The following EHF variants were observed in gnomAD, a reference collection of about 807,000 sequenced individuals.
The protein encoded by EHF is ESE3 transcription factor.
EHF carries 14 observed loss-of-function variants against 45.1 expected under a neutral mutation model. The ratio of observed to expected loss-of-function variants is 0.31; its 90% CI spans 0.21 to 0.49. EHF has a LOEUF of 0.49. Among genes scored for constraint, EHF ranks in the 20% least tolerant of loss-of-function variants. The pLI is 0.99. For synonymous variants in EHF, 136 were observed against 131.8 expected, an observed-to-expected ratio of 1.03 and a Z score of -0.22; for missense variants, 282 against 371.4, an observed-to-expected ratio of 0.76 and a Z score of 1.98.
At chr11:34,649,920 A>T (rs1382494673) in intron 4 of EHF, among the ~76,000 whole-genome samples, 1 of 152,274 alleles carries the variant, frequency 6.6e-6, no homozygotes, top group Admixed American at 6.5e-5. Flanking sequence ...AAATTGGCCC[A>T]TGCAGTTATT....
chr11:34,640,813 C>A (rs1471558718), intron 1 of EHF, among the ~76,000 whole-genome samples: 1 of 152,160 alleles, frequency 6.6e-6, no homozygotes, highest in African/African-American at 2.4e-5. Context: ...GGCCCAGCAT[C>A]ATTTCTGGTT....
At chr11:34,656,822 AAT>A (rs759050479) in intron 6 of EHF, 84 bp from the exon 7 acceptor site, 486 of 1,481,242 alleles carry the variant, frequency 3.3e-4, no homozygotes, top group Non-Finnish European at 4.2e-4. Flanking sequence ...GTGCTCAGTA[AAT>A]ATTGTTTAAA....
At position 34,658,859 on chromosome 11, in the gene EHF, G is replaced by C. The variant is rs139008764; in HGVS notation, c.831G>C (p.Glu277Asp). 6.2e-7 allele frequency: 1 copy of C among 1,612,954 alleles called. No individual in the cohort carries two copies. Among genetic ancestry groups the C allele is most frequent in the South Asian group, 1.1e-5 (1 of 90,762 alleles). The change falls in exon 9 of 9, where the codon GAG becomes GAC. Residue 277 changes from glutamate to aspartate, a missense_variant. Around this residue, in one of 3 missense-constraint regions of EHF, gnomAD observed 28 missense variants for 37.1 expected, o/e 0.76. Coordinates refer to ENST00000257831, the MANE Select transcript of EHF (RefSeq NM_012153.6). ...ATTACTACAAAAGAGAAATTCTGGA[G>C]CGTGTGGATGGACGAAGACTGGTAT... ...MRYYYKREIL[E>D]RVDGRRLVYK...
At chr11:34,629,106 G>A (rs564993451) in intron 1 of EHF, among the ~76,000 whole-genome samples, 1 of 152,252 alleles carries the variant, frequency 6.6e-6, no homozygotes, top group African/African-American at 2.4e-5. Flanking sequence ...GCTCAGCTAC[G>A]CAACCTCTGG....
intron 1 of EHF, among the ~76,000 whole-genome samples, chr11:34,641,757 T>C (rs994855585): frequency 2.0e-5 from 3 of 152,198 alleles, no homozygotes; most frequent in Admixed American, 6.5e-5. Context: ...AGGGACATTA[T>C]AAATACTGGA....
chr11:34,635,787 T>C (rs1361710052), intron 1 of EHF, among the ~76,000 whole-genome samples: 1 of 149,524 alleles, frequency 6.7e-6, no homozygotes, highest in Non-Finnish European at 1.5e-5. Context: ...TAGGAGCATA[T>C]GCCTTACCAC....
At chr11:34,624,865 C>T (rs975407212) in intron 1 of EHF, among the ~76,000 whole-genome samples, 7 of 152,104 alleles carry the variant, frequency 4.6e-5, no homozygotes, top group South Asian at 2.1e-4. Flanking sequence ...GTGTGCTGGA[C>T]GGCAGTCTAG....
At chr11:34,643,956 G>C (rs1211830423) in intron 2 of EHF, among the ~76,000 whole-genome samples, 1 of 152,184 alleles carries the variant, frequency 6.6e-6, no homozygotes, top group East Asian at 1.9e-4. Flanking sequence ...GCTCAGCCTT[G>C]ATTGAGACTG....
At chr11:34,632,714 T>C in intron 1 of EHF, 1 of 1,520,922 alleles carries the variant, frequency 6.6e-7, no homozygotes, top group Non-Finnish European at 8.8e-7. Flanking sequence ...CCCCATTCCA[T>C]TCACAACAGG....
At chr11:34,625,106 G>A (rs1852257472) in intron 1 of EHF, among the ~76,000 whole-genome samples, 2 of 152,184 alleles carry the variant, frequency 1.3e-5, no homozygotes, top group Admixed American at 6.5e-5. Context: ...GCCTTCTAAG[G>A]ATGAGGCAGG....
At chr11:34,632,538 T>A in intron 1 of EHF, 1 of 1,535,476 alleles carries the variant, frequency 6.5e-7, no homozygotes, top group African/African-American at 1.4e-5. Context: ...AGAAGCATTA[T>A]CCTCTCTGCC....
intron 1 of EHF, chr11:34,622,375 T>G (rs1307841821): frequency 1.6e-6 from 2 of 1,278,886 alleles, no homozygotes; most frequent in Non-Finnish European, 2.0e-6. Context: ...AAGAACTTAC[T>G]GATGGAAGTC....
intron 1 of EHF, among the ~76,000 whole-genome samples, chr11:34,628,345 AT>A (rs1590409133): frequency 6.6e-6 from 1 of 152,186 alleles, no homozygotes; most frequent in African/African-American, 2.4e-5. Context: ...TTTAATATAA[AT>A]TTTTTTAAAT....
intron 4 of EHF, among the ~76,000 whole-genome samples, chr11:34,650,876 T>C (rs1053182812): frequency 2.6e-5 from 4 of 152,188 alleles, no homozygotes; most frequent in Non-Finnish European, 5.9e-5. Context: ...TTTTCTGCGA[T>C]GGGGCAGTGG....
chr11:34,642,910 G>A (rs1453985162), intron 2 of EHF, among the ~76,000 whole-genome samples, 183 bp downstream of exon 2: 2 of 152,176 alleles, frequency 1.3e-5, no homozygotes, highest in Admixed American at 6.5e-5. Context: ...ACAAAAGCTC[G>A]TTTGAGATAT....
Position 34,658,739 on chromosome 11 carries a change from T to G in EHF, c.803+11T>G. ...CAGCCGAGCTATGAGGTGAGGAGTTTCATGTCTCTGAAAACAAAAAGGCTG... is the reference window on the plus strand; with the variant it reads ...CAGCCGAGCTATGAGGTGAGGAGTTGCATGTCTCTGAAAACAAAAAGGCTG... On this transcript the variant is annotated intron_variant, in intron 8 of 8. Coordinates refer to ENST00000257831, the MANE Select transcript of EHF (RefSeq NM_012153.6). 1.9e-6 allele frequency: 3 copies of G among 1,610,232 alleles called. No homozygotes were observed. The highest frequency in any genetic ancestry group is 2.5e-6 in the Non-Finnish European group (3 of 1,178,368).
chr11:34,636,144 T>C (rs1213915586), intron 1 of EHF, among the ~76,000 whole-genome samples: 1 of 152,228 alleles, frequency 6.6e-6, no homozygotes, highest in African/African-American at 2.4e-5. Context: ...ACAAGTATGA[T>C]TATGATTATT....
chr11:34,631,493 T>G, intron 1 of EHF: 5 of 838,802 alleles, frequency 6.0e-6, no homozygotes, highest in Non-Finnish European at 5.7e-6. Context: ...GACAAATTAA[T>G]GAGAAGTGAG....
chr11:34,634,346 A>G (rs1317923238), intron 1 of EHF, among the ~76,000 whole-genome samples: 1 of 152,252 alleles, frequency 6.6e-6, no homozygotes, highest in Non-Finnish European at 1.5e-5. Context: ...TATCGCTGTC[A>G]TCACAAAAGT....
Sources: allele counts gnomAD v4.1 joint callset (sites outside exome capture counted in the v4.1 genomes callset), GRCh38; gene constraint gnomAD v4.1.1; regional missense constraint gnomAD v4.1.1; transcripts MANE v1.5; gene names NCBI Gene and HGNC (gene_info 2026-07-23, HGNC 2026-07-21).